Variants in SLC35F3 observed in about 807,000 individuals in gnomAD.
The protein encoded by SLC35F3 is solute carrier family 35 member F3, also known as putative thiamine transporter SLC35F3.
In SLC35F3, 25 loss-of-function variants were observed where a neutral mutation model predicts 49.9. The observed-to-expected ratio is 0.50, with a 90% CI of 0.37 to 0.70. The LOEUF is 0.70. SLC35F3 is among the 30% of genes least tolerant of loss of function. The pLI, the probability that SLC35F3 is intolerant of heterozygous loss-of-function variation, is 0.00. For synonymous variants in SLC35F3, 275 were observed against 265.4 expected, an observed-to-expected ratio of 1.04 and a Z score of -0.35; for missense variants, 525 against 639.8, an observed-to-expected ratio of 0.82 and a Z score of 1.94.
At chr1:234,099,800 G>C (rs527484956) in intron 2 of SLC35F3, among the ~76,000 whole-genome samples, 1 of 152,128 alleles carries the variant, frequency 6.6e-6, no homozygotes, top group Non-Finnish European at 1.5e-5. Flanking sequence ...GAAGGATCTA[G>C]TGGAGAAGAA....
At chr1:233,941,957 T>TTG (rs985944371) in intron 2 of SLC35F3, among the ~76,000 whole-genome samples, 2 of 116,550 alleles carry the variant, frequency 1.7e-5, no homozygotes, top group African/African-American at 7.4e-5. Context: ...GTTTTTTGTT[T>TTG]TTTTGTTTTT....
chr1:234,055,750 A>C (rs1399537778), intron 2 of SLC35F3, among the ~76,000 whole-genome samples: 1 of 152,210 alleles, frequency 6.6e-6, no homozygotes, highest in Non-Finnish European at 1.5e-5. Flanking sequence ...TGGGAGCTGT[A>C]GACTGGAGCT....
chr1:233,941,140 G>A (rs1662414180), intron 2 of SLC35F3, among the ~76,000 whole-genome samples: 1 of 152,104 alleles, frequency 6.6e-6, no homozygotes, highest in Admixed American at 6.6e-5. Context: ...TATAACTAAG[G>A]TGCCGAGTCT....
chr1:234,162,381 CAAAAAAAAAAAA>C (rs147145054), intron 2 of SLC35F3, among the ~76,000 whole-genome samples: 39 of 58,572 alleles, frequency 6.7e-4, no homozygotes, highest in South Asian at 5.2e-3. Context: ...AGCCTCTGTG[CAAAAAAAAAAAA>C]AAAAAAAAAA....
At chr1:233,955,656 G>A (rs1662684900) in intron 2 of SLC35F3, among the ~76,000 whole-genome samples, 1 of 151,900 alleles carries the variant, frequency 6.6e-6, no homozygotes. Flanking sequence ...ACTACCACAG[G>A]ACACTTGCAA....
intron 2 of SLC35F3, among the ~76,000 whole-genome samples, chr1:234,185,964 A>G (rs1445289855): frequency 1.3e-5 from 2 of 152,162 alleles, no homozygotes; most frequent in Non-Finnish European, 2.9e-5. Context: ...CTGTCTGTAA[A>G]AAGATTCCTA....
intron 3 of SLC35F3, among the ~76,000 whole-genome samples, chr1:234,250,825 C>T (rs1667727203): frequency 6.6e-6 from 1 of 152,074 alleles, no homozygotes; most frequent in Non-Finnish European, 1.5e-5. Context: ...GGGGGCACCA[C>T]ACTCTTTTTA....
intron 2 of SLC35F3, among the ~76,000 whole-genome samples, chr1:234,168,428 T>C (rs538219877): frequency 3.3e-5 from 5 of 152,212 alleles, no homozygotes; most frequent in Non-Finnish European, 5.9e-5. Flanking sequence ...CATTCTCCCT[T>C]TCTGTAATTA....
At chr1:233,992,977 T>C (rs2102828123) in intron 2 of SLC35F3, among the ~76,000 whole-genome samples, 1 of 152,304 alleles carries the variant, frequency 6.6e-6, no homozygotes, top group South Asian at 2.1e-4. Flanking sequence ...CTCTGTGCTG[T>C]AGATGCTTCC....
At chr1:234,230,180 T>C (rs763382901) in intron 2 of SLC35F3, among the ~76,000 whole-genome samples, 7 of 152,270 alleles carry the variant, frequency 4.6e-5, no homozygotes, top group Admixed American at 2.6e-4. Flanking sequence ...ATGTAATGCT[T>C]CGGTTTATCT....
At chr1:234,144,830 G>A (rs982123656) in intron 2 of SLC35F3, among the ~76,000 whole-genome samples, 1 of 152,138 alleles carries the variant, frequency 6.6e-6, no homozygotes, top group African/African-American at 2.4e-5. Flanking sequence ...ATAGAGGGGT[G>A]TCCAATAGAC....
chr1:233,975,967 A>T (rs1033715618), intron 2 of SLC35F3, among the ~76,000 whole-genome samples: 13 of 152,234 alleles, frequency 8.5e-5, no homozygotes. Context: ...GAGATGGCAT[A>T]TCAGGGCCAT....
chr1:234,249,232 C>T (rs1667697847), intron 3 of SLC35F3, among the ~76,000 whole-genome samples: 1 of 152,210 alleles, frequency 6.6e-6, no homozygotes, highest in Admixed American at 6.5e-5. Context: ...TCACCACCTC[C>T]AGGCGTGTAT....
At chr1:234,023,627 G>C (rs980307711) in intron 2 of SLC35F3, among the ~76,000 whole-genome samples, 1 of 152,040 alleles carries the variant, frequency 6.6e-6, no homozygotes, top group South Asian at 2.1e-4. Context: ...AGTAGTGTAC[G>C]GAAGGGATGT....
chr1:234,241,586 T>C (rs2102957008), intron 3 of SLC35F3, among the ~76,000 whole-genome samples: 1 of 151,950 alleles, frequency 6.6e-6, no homozygotes, highest in African/African-American at 2.4e-5. Context: ...AAATACAAAA[T>C]TAGCTGGGCA....
intron 3 of SLC35F3, among the ~76,000 whole-genome samples, chr1:234,288,957 T>C (rs1014521160): frequency 3.3e-5 from 5 of 152,216 alleles, no homozygotes; most frequent in African/African-American, 9.6e-5. Context: ...CTGGGACTCA[T>C]TCAGAAGCTC....
rs1273634044 is a variant in SLC35F3, at chr1:234,146,916, G to T, written c.284-84501G>T. 3.3e-5 allele frequency among the ~76,000 whole-genome samples: 5 copies of T among 152,178 alleles called. 1 individual carries two copies. Among genetic ancestry groups the T allele is most frequent in the Admixed American group, 3.3e-4 (5 of 15,278 alleles). On this transcript the variant is annotated intron_variant, in intron 2 of 7. Transcript: ENST00000366618. ...TTTGGTGTCTTAGTGTGAAAAAACT[G>T]AGATCTTGTGGATGAGAGGTTTGCT...
chr1:233,967,819 G>A (rs1662926696), intron 2 of SLC35F3, among the ~76,000 whole-genome samples: 3 of 152,126 alleles, frequency 2.0e-5, no homozygotes, highest in African/African-American at 7.2e-5. Flanking sequence ...AAACAAAAAC[G>A]AAGTTATTTA....
At chr1:234,021,244 C>T (rs990712585) in intron 2 of SLC35F3, among the ~76,000 whole-genome samples, 1 of 152,016 alleles carries the variant, frequency 6.6e-6, no homozygotes, top group African/African-American at 2.4e-5. Flanking sequence ...CAGGTTGGTG[C>T]TCTGGAAAAA....
Sources: gnomAD v4.1 joint callset for allele counts (sites outside exome capture counted in the v4.1 genomes callset) on GRCh38, gnomAD v4.1.1 for gene constraint, MANE v1.5 for transcripts, NCBI Gene and HGNC (gene_info 2026-07-23, HGNC 2026-07-21) for gene names.